ZNF423: variants seen among roughly 807,000 people sequenced by gnomAD.
The protein encoded by ZNF423 is zinc finger protein 423.
ZNF423 carries 12 observed loss-of-function variants against 95.8 expected under a neutral mutation model. The observed-to-expected ratio is 0.13, with a 90% CI of 0.08 to 0.20. The LOEUF (loss-of-function observed/expected upper bound fraction) is 0.20. Ranked by LOEUF, ZNF423 falls within the 10% of genes least tolerant of loss-of-function variation. The pLI is 1.00. For synonymous variants in ZNF423, 749 were observed against 711.9 expected (o/e 1.05, Z -0.83); for missense variants, 1,316 against 1,737.1 (o/e 0.76, Z 4.31).
chr16:49,711,452 A>G (rs2032540963), intron 3 of ZNF423: 1 of 152,232 alleles, frequency 6.6e-6, no homozygotes, highest in Middle Eastern at 3.2e-3. Context: ...TTGCAGAATG[A>G]TAGATCCAAT....
intron 5 of ZNF423, among the ~76,000 whole-genome samples, chr16:49,619,404 T>A (rs987185370): frequency 2.6e-5 from 4 of 151,734 alleles, no homozygotes; most frequent in African/African-American, 9.7e-5. Flanking sequence ...CTCAAGAAAA[T>A]GAGAAATTTT....
chr16:49,699,152 G>A (rs11076496), intron 3 of ZNF423, among the ~76,000 whole-genome samples: 82,695 of 152,074 alleles, frequency 0.54, 24,190 homozygotes, highest in Non-Finnish European at 0.65. Flanking sequence ...GTGTTACAAA[G>A]GGAAAAATGG....
intron 2 of ZNF423, among the ~76,000 whole-genome samples, chr16:49,751,536 T>C (rs778903505): frequency 9.2e-5 from 14 of 152,194 alleles, no homozygotes; most frequent in Non-Finnish European, 1.8e-4. Flanking sequence ...TCAAATCTTA[T>C]TGGGAAACAT....
chr16:49,554,553 T>C (rs1032220965), intron 5 of ZNF423, among the ~76,000 whole-genome samples: 1 of 151,976 alleles, frequency 6.6e-6, no homozygotes, highest in Admixed American at 6.6e-5. Context: ...GACCAGTTGT[T>C]CTGAAAATGC....
At chr16:49,634,204 CT>C (rs528621494) in intron 4 of ZNF423, among the ~76,000 whole-genome samples, 14,056 of 114,184 alleles carry the variant, frequency 0.12, 1,024 homozygotes, top group South Asian at 0.26. Flanking sequence ...CCACACCTGG[CT>C]TTTTTTTTTT....
intron 3 of ZNF423, among the ~76,000 whole-genome samples, chr16:49,646,568 C>CTTTTTTT (rs1194511671): frequency 3.3e-5 from 4 of 120,716 alleles, no homozygotes; most frequent in East Asian, 2.4e-4. Flanking sequence ...ATTTTCTTTT[C>CTTTTTTT]TTTTTCTTTT....
chr16:49,839,094 C>T (rs1567367104), intron 1 of ZNF423, among the ~76,000 whole-genome samples: 2 of 150,374 alleles, frequency 1.3e-5, no homozygotes, highest in East Asian at 2.0e-4. Context: ...TGCCACCCCA[C>T]CCTGGATTTC....
intron 2 of ZNF423, among the ~76,000 whole-genome samples, chr16:49,745,280 G>A (rs577117107): frequency 5.9e-5 from 9 of 152,100 alleles, no homozygotes; most frequent in East Asian, 1.9e-4. Flanking sequence ...ATTATTGCTC[G>A]TGCTCTCCCA....
intron 1 of ZNF423, among the ~76,000 whole-genome samples, chr16:49,791,188 C>G (rs569786003): frequency 7.9e-5 from 12 of 152,284 alleles, no homozygotes; most frequent in African/African-American, 2.6e-4. Flanking sequence ...CAGGCAGGAT[C>G]AAGACAATGA....
intron 4 of ZNF423, among the ~76,000 whole-genome samples, chr16:49,630,660 G>C (rs1375784566): frequency 6.6e-6 from 1 of 152,128 alleles, no homozygotes; most frequent in Non-Finnish European, 1.5e-5. Flanking sequence ...GAGGCATGCA[G>C]GGAACAGTCC....
intron 5 of ZNF423, among the ~76,000 whole-genome samples, chr16:49,586,407 G>A (rs765106327): frequency 3.3e-5 from 5 of 152,228 alleles, no homozygotes; most frequent in African/African-American, 4.8e-5. Flanking sequence ...AACAAAAGGC[G>A]ATGATTATTT....
At chr16:49,506,272 G>A (rs920186744) in intron 7 of ZNF423, among the ~76,000 whole-genome samples, 1 of 152,168 alleles carries the variant, frequency 6.6e-6, no homozygotes, top group Non-Finnish European at 1.5e-5. Flanking sequence ...ATGGATGGAT[G>A]GATAAATGAT....
intron 7 of ZNF423, among the ~76,000 whole-genome samples, chr16:49,514,048 A>C (rs8046661): frequency 0.61 from 92,124 of 151,154 alleles, 29,103 homozygotes; most frequent in African/African-American, 0.79. Context: ...TTCTGTTCTG[A>C]GAACACCCCA....
chr16:49,490,690 A>G lies in ZNF423; in HGVS notation c.*585T>C, dbSNP rs893429628. 1 of 154,720 alleles carries G rather than the reference A, an allele frequency of 6.5e-6. No homozygotes were observed. The highest frequency in any genetic ancestry group is 2.4e-5 in the African/African-American group (1 of 41,466). The allele number at this position is 154,720 out of a possible 1,614,324, so 9.6% of individuals were successfully genotyped here. A position where few individuals can be genotyped will look rare whatever the true frequency, so the allele number is the denominator to read the frequency against. On this transcript the variant is annotated 3_prime_UTR_variant, in exon 8 of 8. Transcript: ENST00000563137. The stretch of plus-strand genomic sequence containing the variant: ...ATTTAAAAGCAGACCATCCAGTTGC[A>G]CTGAAACCGATTATATTCATTACAT...
intron 3 of ZNF423, among the ~76,000 whole-genome samples, chr16:49,647,269 C>T (rs1468105417): frequency 1.3e-5 from 2 of 152,196 alleles, no homozygotes; most frequent in African/African-American, 4.8e-5. Context: ...GGGTCTGATG[C>T]CAAGCACTAA....
At chr16:49,511,010 C>T in intron 7 of ZNF423, among the ~76,000 whole-genome samples, 1 of 152,214 alleles carries the variant, frequency 6.6e-6, no homozygotes, top group Non-Finnish European at 1.5e-5. Flanking sequence ...ATTCCAAGTG[C>T]CATCTCTGCC....
chr16:49,698,822 A>G (rs2032068840), intron 3 of ZNF423, among the ~76,000 whole-genome samples: 1 of 152,158 alleles, frequency 6.6e-6, no homozygotes, highest in South Asian at 2.1e-4. Flanking sequence ...TAAAACTCCA[A>G]CCTTCTGAAG....
intron 1 of ZNF423, among the ~76,000 whole-genome samples, chr16:49,852,413 A>G (rs1002518644): frequency 2.6e-5 from 4 of 152,232 alleles, no homozygotes; most frequent in African/African-American, 9.6e-5. Context: ...AGGCTGTTGC[A>G]TGGATCTGAG....
chr16:49,514,125 C>A (rs929370350), intron 7 of ZNF423, among the ~76,000 whole-genome samples: 8 of 151,702 alleles, frequency 5.3e-5, no homozygotes, highest in African/African-American at 1.9e-4. Context: ...CCAGCTCTTC[C>A]CCACACTGGC....
Sources: allele counts gnomAD v4.1 joint callset (sites outside exome capture counted in the v4.1 genomes callset), GRCh38; gene constraint gnomAD v4.1.1; transcripts MANE v1.5; gene names NCBI Gene and HGNC (gene_info 2026-07-23, HGNC 2026-07-21).